The following ZNF44 variants were observed in gnomAD, a reference collection of about 807,000 sequenced individuals.
ZNF44 encodes zinc finger protein 44.
ZNF44 carries 9 observed loss-of-function variants against 11.7 expected under a neutral mutation model. The ratio of observed to expected loss-of-function variants is 0.77; its 90% CI spans 0.46 to 1.35. The LOEUF (loss-of-function observed/expected upper bound fraction) is 1.35. Ranked by LOEUF, ZNF44 falls within the 40% of genes most tolerant of loss-of-function variation. The probability of loss-of-function intolerance (pLI) is 0.00; values close to 1 mark genes in which losing one functional copy is unlikely to be tolerated. For missense variants in ZNF44, 696 were observed against 743.1 expected (o/e 0.94, Z 0.74); for synonymous variants, 224 against 242.7 (o/e 0.92, Z 0.72).
At chr19:12,247,961 A>G (rs1345989916) in exon 8 of ZNF44, 4 of 1,351,008 alleles carry the variant, frequency 3.0e-6, no homozygotes, top group Non-Finnish European at 3.9e-6. Context: ...TCTCTCCAGT[A>G]TGAGTCTTTT....
downstream of ZNF44, among the ~76,000 whole-genome samples, chr19:12,267,598 T>A (rs960847047): frequency 5.9e-5 from 9 of 152,022 alleles, no homozygotes; most frequent in Non-Finnish European, 1.3e-4. Flanking sequence ...AGTCTATCAG[T>A]CCCTGGTGAT....
At chr19:12,262,503 T>C (rs575315595) in intron 5 of ZNF44, among the ~76,000 whole-genome samples, 2 of 152,268 alleles carry the variant, frequency 1.3e-5, no homozygotes, top group Admixed American at 6.5e-5. Context: ...TCTCCTGACC[T>C]CATGATCTGC....
At chr19:12,294,535 T>C (rs1568462887) in intron 1 of ZNF44, among the ~76,000 whole-genome samples, 157 bp downstream of exon 1, 1 of 152,146 alleles carries the variant, frequency 6.6e-6, no homozygotes, top group Non-Finnish European at 1.5e-5. Context: ...AGCCCCACCC[T>C]GCGGCCAAAC....
At chr19:12,294,276 T>C (rs1968143776) in intron 1 of ZNF44, among the ~76,000 whole-genome samples, 2 of 151,910 alleles carry the variant, frequency 1.3e-5, no homozygotes, top group Non-Finnish European at 2.9e-5. Context: ...TCCAGACCCC[T>C]AAACACCCCA....
At chr19:12,269,938 G>A (rs1398501117), downstream of ZNF44, among the ~76,000 whole-genome samples, 1 of 152,130 alleles carries the variant, frequency 6.6e-6, no homozygotes, top group Non-Finnish European at 1.5e-5. Flanking sequence ...ATATATATTT[G>A]CAAGAAATAT....
downstream of ZNF44, among the ~76,000 whole-genome samples, chr19:12,269,100 C>T (rs1166712906): frequency 6.6e-6 from 1 of 152,128 alleles, no homozygotes; most frequent in Admixed American, 6.6e-5. Flanking sequence ...TTCATCCACA[C>T]CTGGATACTC....
At chr19:12,247,551 T>C (rs754222841), downstream of ZNF44, 5 of 1,347,954 alleles carry the variant, frequency 3.7e-6, no homozygotes, top group Middle Eastern at 2.1e-4. Flanking sequence ...GTGGGTTCTT[T>C]CATGTATCTG....
chr19:12,274,158 G>C, intron 3 of ZNF44, 95 bp from the exon 4 acceptor site: 1 of 1,119,642 alleles, frequency 8.9e-7, no homozygotes, highest in Non-Finnish European at 1.3e-6. Context: ...TATCAGGCAA[G>C]CTATAAGCTT....
downstream of ZNF44, chr19:12,247,392 C>T (rs749936774): frequency 4.6e-6 from 6 of 1,306,050 alleles, no homozygotes; most frequent in South Asian, 2.5e-5. Context: ...CATGTGCACT[C>T]GAAAGCCTGT....
upstream of ZNF44, among the ~76,000 whole-genome samples, chr19:12,240,535 A>G (rs905286072): frequency 3.9e-5 from 6 of 152,108 alleles, no homozygotes; most frequent in African/African-American, 1.4e-4. Context: ...AAAAAGTTCA[A>G]AGACTCACGC....
Position 12,273,701 on chromosome 19 carries a change from C to T in ZNF44, c.554G>A (p.Arg185Gln), listed in dbSNP as rs760772996. 29 of 1,614,032 alleles carry T rather than the reference C, an allele frequency of 1.8e-5. No homozygotes were observed. The highest frequency in any genetic ancestry group is 3.3e-5 in the South Asian group (3 of 91,088). ...TCCACCTTTTACTACCATATGTCTT[C>T]GAAGGTTTCCAGGAGAACTGAAGGT... Reference protein sequence around the residue: ...GKTFSSPGNLRRHMVVKGGDG... With the variant: ...GKTFSSPGNLQRHMVVKGGDG... Residue 185 changes from arginine (R) to glutamine (Q), a missense_variant, in exon 4 of 4, where the codon CGA becomes CAA. Coordinates refer to ENST00000355684, the MANE Select transcript of ZNF44 (RefSeq NM_016264.4).
Position 12,275,980 on chromosome 19 carries a change from T to C in ZNF44, c.106A>G (p.Thr36Ala). The change falls in exon 2 of 4, where the codon ACC becomes GCC. Residue 36 changes from threonine (T) to alanine (A), a missense_variant. Thr to Ala is a moderately conservative substitution (Grantham distance 58). Coordinates refer to ENST00000355684, the MANE Select transcript of ZNF44 (RefSeq NM_016264.4). ...KNLYRDVMRE[T>A]IRNLNCIGMK... ...CCTATACAGTTCAGGTTCCTAATGG[T>C]TTCTCGCATCACATCTCTGTAGAGA... The C allele has an allele frequency of 6.2e-7, 1 of 1,607,370 alleles. No individual in the cohort carries two copies. The highest frequency in any genetic ancestry group is 8.5e-7 in the Non-Finnish European group (1 of 1,175,436).
At chr19:12,252,732 T>TA (rs546990834) in intron 5 of ZNF44, among the ~76,000 whole-genome samples, 144 of 140,264 alleles carry the variant, frequency 1.0e-3, no homozygotes, top group African/African-American at 2.3e-3. Context: ...TAAAATAGTG[T>TA]AAAAAAAAAA....
intron 1 of ZNF44, among the ~76,000 whole-genome samples, chr19:12,293,962 A>T (rs62111295): frequency 2.9e-5 from 4 of 140,244 alleles, no homozygotes; most frequent in African/African-American, 1.1e-4. Context: ...TTGCAGTTAG[A>T]TATTAACCAG....
chr19:12,287,745 T>C (rs1225248474), intron 1 of ZNF44, among the ~76,000 whole-genome samples: 2 of 152,250 alleles, frequency 1.3e-5, no homozygotes, highest in Non-Finnish European at 2.9e-5. Context: ...ATGTTTGCTA[T>C]TGTGAATAGT....
At chr19:12,292,869 T>TTG (rs1568461531) in intron 1 of ZNF44, among the ~76,000 whole-genome samples, 19 of 144,178 alleles carry the variant, frequency 1.3e-4, no homozygotes, top group African/African-American at 2.3e-4. Context: ...TTTTTTTTTT[T>TTG]TTTTTTTTTT....
downstream of ZNF44, among the ~76,000 whole-genome samples, chr19:12,269,023 C>A (rs1443012653): frequency 2.0e-5 from 3 of 151,716 alleles, no homozygotes; most frequent in Non-Finnish European, 2.9e-5. Context: ...GGATTACAGG[C>A]TTGAGCCACC....
At chr19:12,288,919 T>G (rs770129474) in intron 1 of ZNF44, among the ~76,000 whole-genome samples, 3 of 151,362 alleles carry the variant, frequency 2.0e-5, no homozygotes, top group Non-Finnish European at 4.4e-5. Context: ...TTTTAACCTG[T>G]AACAAGGCCC....
chr19:12,280,955 C>G (rs1660078839), intron 1 of ZNF44, among the ~76,000 whole-genome samples: 1 of 152,076 alleles, frequency 6.6e-6, no homozygotes, highest in African/African-American at 2.4e-5. Flanking sequence ...AATGCAAAAA[C>G]ATATAAAACC....
Sources: allele counts gnomAD v4.1 joint callset (sites outside exome capture counted in the v4.1 genomes callset), GRCh38; gene constraint gnomAD v4.1.1; transcripts MANE v1.5; gene names NCBI Gene and HGNC (gene_info 2026-07-23, HGNC 2026-07-21).